TRIM44: variants seen among roughly 807,000 people sequenced by gnomAD.
The protein encoded by TRIM44 is tripartite motif-containing protein 44.
In TRIM44, 13 loss-of-function variants were observed where a neutral mutation model predicts 37.4. That is an observed-to-expected ratio of 0.35 (90% confidence interval 0.23 to 0.55). TRIM44 has a LOEUF of 0.55. Ranked by LOEUF, TRIM44 falls within the 20% of genes least tolerant of loss-of-function variation. TRIM44 has a pLI of 0.89. For missense variants in TRIM44, 426 were observed against 437.2 expected (o/e 0.97, Z 0.23); for synonymous variants, 175 against 157.2 (o/e 1.11, Z -0.85).
intron 4 of TRIM44, among the ~76,000 whole-genome samples, chr11:35,767,417 A>G (rs1852812002): frequency 6.6e-6 from 1 of 152,148 alleles, no homozygotes; most frequent in Non-Finnish European, 1.5e-5. Flanking sequence ...CAGGTTAGGT[A>G]TGCAATAGAT....
intron 4 of TRIM44, among the ~76,000 whole-genome samples, chr11:35,795,973 T>C (rs922603583): frequency 2.0e-5 from 3 of 152,236 alleles, no homozygotes; most frequent in Non-Finnish European, 2.9e-5. Flanking sequence ...GCAGCTCTTC[T>C]GGTAGGTACT....
At chr11:35,750,714 C>T (rs1330343312) in intron 4 of TRIM44, among the ~76,000 whole-genome samples, 2 of 152,018 alleles carry the variant, frequency 1.3e-5, no homozygotes, top group Non-Finnish European at 2.9e-5. Flanking sequence ...GACTGACATG[C>T]AGAAAGAGGG....
In TRIM44 at chr11:35,694,718, T is replaced by C. The variant is rs538228476; in HGVS notation, c.747+9382T>C. ...GCTTTACCCTAAGGGTTTCAATGAG[T>C]GCACATTTTTAAGAGTGAGGAGGGA... On this transcript the variant is annotated intron_variant, in intron 2 of 4. Coordinates refer to ENST00000299413, the MANE Select transcript of TRIM44 (RefSeq NM_017583.6). Among the ~76,000 whole-genome samples, 7 of 152,046 alleles carry C rather than the reference T, an allele frequency of 4.6e-5. No homozygotes were observed. The South Asian group carries it at 6.3e-4, about 14-fold the overall frequency.
chr11:35,726,683 T>A (rs1852179124), intron 3 of TRIM44, among the ~76,000 whole-genome samples: 1 of 147,236 alleles, frequency 6.8e-6, no homozygotes, highest in Non-Finnish European at 1.5e-5. Flanking sequence ...ATTGTAAGAT[T>A]AAAAAAAAAA....
At chr11:35,757,413 G>A (rs1213691994) in intron 4 of TRIM44, among the ~76,000 whole-genome samples, 1 of 152,008 alleles carries the variant, frequency 6.6e-6, no homozygotes, top group Non-Finnish European at 1.5e-5. Flanking sequence ...AGTCTTGCTA[G>A]CAGTCTATCA....
At chr11:35,665,218 T>C (rs944900308) in intron 1 of TRIM44, among the ~76,000 whole-genome samples, 9 of 152,134 alleles carry the variant, frequency 5.9e-5, no homozygotes, top group Non-Finnish European at 1.2e-4. Flanking sequence ...TCGGTGTACA[T>C]TTAACATACA....
intron 3 of TRIM44, among the ~76,000 whole-genome samples, 184 bp downstream of exon 3, chr11:35,726,347 T>C (rs1004416945): frequency 1.3e-5 from 2 of 152,166 alleles, no homozygotes; most frequent in African/African-American, 4.8e-5. Flanking sequence ...TGGCTGGGCC[T>C]ACCAAATTAT....
At chr11:35,691,738 A>G (rs1244827842) in intron 2 of TRIM44, among the ~76,000 whole-genome samples, 1 of 152,120 alleles carries the variant, frequency 6.6e-6, no homozygotes, top group African/African-American at 2.4e-5. Flanking sequence ...TCCACCTCCC[A>G]GGTTCACACC....
chr11:35,682,765 T>C (rs143718722), intron 1 of TRIM44, among the ~76,000 whole-genome samples: 179 of 152,290 alleles, frequency 1.2e-3, no homozygotes, highest in East Asian at 7.0e-3. Context: ...CACTGAATTT[T>C]TATGAAAGAA....
At chr11:35,664,933 T>C (rs1047911492) in intron 1 of TRIM44, among the ~76,000 whole-genome samples, 26 of 152,244 alleles carry the variant, frequency 1.7e-4, no homozygotes, top group Admixed American at 3.9e-4. Flanking sequence ...ACTCCATGTG[T>C]ATGCATTCCT....
intron 4 of TRIM44, among the ~76,000 whole-genome samples, chr11:35,781,228 C>T (rs1853061999): frequency 6.6e-6 from 1 of 152,040 alleles, no homozygotes; most frequent in Non-Finnish European, 1.5e-5. Context: ...CCCCATCAGA[C>T]CACTTCACGT....
intron 4 of TRIM44, among the ~76,000 whole-genome samples, chr11:35,745,303 T>G (rs1005960478): frequency 4.6e-5 from 7 of 152,256 alleles, no homozygotes; most frequent in African/African-American, 1.7e-4. Context: ...CTTTTTTGTT[T>G]GTTGGCTACT....
At chr11:35,728,635 T>A (rs905118592) in intron 3 of TRIM44, among the ~76,000 whole-genome samples, 1 of 152,198 alleles carries the variant, frequency 6.6e-6, no homozygotes, top group African/African-American at 2.4e-5. Context: ...CTAGTACCTG[T>A]CTTTCAGTCA....
intron 2 of TRIM44, among the ~76,000 whole-genome samples, chr11:35,706,866 C>G (rs1444835026): frequency 2.0e-5 from 3 of 150,682 alleles, no homozygotes. Flanking sequence ...ACAGGGATGC[C>G]CTCTCTCACC....
At chr11:35,698,959 G>A (rs1851742522) in intron 2 of TRIM44, among the ~76,000 whole-genome samples, 1 of 140,604 alleles carries the variant, frequency 7.1e-6, no homozygotes, top group African/African-American at 2.7e-5. Context: ...ATTAATTTTT[G>A]TATAAGGTGT....
intron 2 of TRIM44, among the ~76,000 whole-genome samples, chr11:35,701,192 A>G (rs923065600): frequency 2.6e-5 from 4 of 152,318 alleles, no homozygotes; most frequent in Admixed American, 6.5e-5. Flanking sequence ...CAAAAGGAAC[A>G]GAGCCTTAGA....
intron 4 of TRIM44, among the ~76,000 whole-genome samples, chr11:35,760,160 C>G (rs187938606): frequency 1.3e-5 from 2 of 152,214 alleles, no homozygotes; most frequent in East Asian, 1.9e-4. Context: ...GCTTCCTGGC[C>G]GCTTTGTTTA....
intron 4 of TRIM44, among the ~76,000 whole-genome samples, chr11:35,774,056 C>T (rs891673936): frequency 6.6e-6 from 1 of 152,174 alleles, no homozygotes; most frequent in African/African-American, 2.4e-5. Flanking sequence ...AACTGTCTTC[C>T]ACAATGGTTG....
chr11:35,800,969 T>C (rs1027603506), intron 4 of TRIM44, among the ~76,000 whole-genome samples: 1 of 152,192 alleles, frequency 6.6e-6, no homozygotes, highest in Non-Finnish European at 1.5e-5. Flanking sequence ...TAGCCCAAAA[T>C]AGACCAAGGA....
Sources: allele counts gnomAD v4.1 joint callset (sites outside exome capture counted in the v4.1 genomes callset), GRCh38; gene constraint gnomAD v4.1.1; transcripts MANE v1.5; gene names NCBI Gene and HGNC (gene_info 2026-07-23, HGNC 2026-07-21).